CNTNAP2: variants seen among roughly 807,000 people sequenced by gnomAD.
CNTNAP2 encodes the protein contactin-associated protein-like 2.
Under a neutral mutation model 155.2 loss-of-function variants are expected in CNTNAP2, and 98 were observed. The observed-to-expected ratio is 0.63, with a 90% CI of 0.54 to 0.75. The LOEUF is 0.75. Ranked by LOEUF, CNTNAP2 falls within the 30% of genes least tolerant of loss-of-function variation. The pLI, the probability that CNTNAP2 is intolerant of heterozygous loss-of-function variation, is 0.00. For synonymous variants in CNTNAP2, 651 were observed against 631.2 expected, an observed-to-expected ratio of 1.03 and a Z score of -0.47; for missense variants, 1,727 against 1,688.1, an observed-to-expected ratio of 1.02 and a Z score of -0.40.
At chr7:148,353,674 C>T (rs1216286476) in intron 21 of CNTNAP2, among the ~76,000 whole-genome samples, 1 of 152,142 alleles carries the variant, frequency 6.6e-6, no homozygotes, top group East Asian at 1.9e-4. Flanking sequence ...CACACGCACA[C>T]ACAAGTATCA....
chr7:146,914,795 CTTTAG>C (rs1796361377), intron 3 of CNTNAP2, among the ~76,000 whole-genome samples: 1 of 151,920 alleles, frequency 6.6e-6, no homozygotes, highest in South Asian at 2.1e-4. Flanking sequence ...GAAAGAAGCT[CTTTAG>C]TTTAATTAGG....
chr7:147,735,653 G>T (rs1293666565), intron 13 of CNTNAP2, among the ~76,000 whole-genome samples: 1 of 152,210 alleles, frequency 6.6e-6, no homozygotes, highest in Non-Finnish European at 1.5e-5. Context: ...TTGTGTGGGA[G>T]TCTAAGTCTC....
chr7:146,823,838 T>C (rs1803345928), intron 2 of CNTNAP2, among the ~76,000 whole-genome samples: 1 of 152,078 alleles, frequency 6.6e-6, no homozygotes, highest in African/African-American at 2.4e-5. Flanking sequence ...GATTTATAAC[T>C]TGGACCCCGT....
intron 15 of CNTNAP2, among the ~76,000 whole-genome samples, chr7:148,038,866 GGA>G (rs1802619288): frequency 2.1e-5 from 3 of 146,106 alleles, no homozygotes; most frequent in East Asian, 3.9e-4. Context: ...ATGGATGGAT[GGA>G]TGGATAGATA....
intron 3 of CNTNAP2, among the ~76,000 whole-genome samples, chr7:146,860,153 T>G (rs1261050272): frequency 6.6e-6 from 1 of 152,204 alleles, no homozygotes; most frequent in African/African-American, 2.4e-5. Context: ...CAATGAGTAA[T>G]GGATATATAT....
Position 146,840,260 on chromosome 7 carries a change from A to G in CNTNAP2, c.402+356A>G, listed in dbSNP as rs572718210. 5.9e-5 allele frequency among the ~76,000 whole-genome samples: 9 copies of G among 152,330 alleles called. No individual in the cohort carries two copies. The South Asian group carries it at 1.9e-3, about 32-fold the overall frequency. On this transcript the variant is annotated intron_variant, in intron 3 of 23. Coordinates refer to ENST00000361727, the MANE Select transcript of CNTNAP2 (RefSeq NM_014141.6). ...GATCTTCAATTGAAGGAAAATATTG[A>G]AATTATGAAGAATATAATTTAGAGA...
chr7:147,500,094 T>TAAAAAAA lies in CNTNAP2; in HGVS notation c.1777+14054_1777+14060dup, dbSNP rs58019031. On this transcript the variant is annotated intron_variant, in intron 11 of 23. Transcript: ENST00000361727. ...GTAAAACCAGAGCAAGATTTTTTTT[T>TAAAAAAA]AAAAAAACTGGTAGTAAGCAGAAGT... is the stretch of plus-strand genomic sequence containing the variant. 2.1e-3 allele frequency among the ~76,000 whole-genome samples: 315 copies of TAAAAAAA among 151,428 alleles called. 2 individuals carry two copies. Among genetic ancestry groups the TAAAAAAA allele is most frequent in the East Asian group, 0.01 (53 of 5,130 alleles).
At chr7:148,158,669 A>T (rs897875976) in intron 17 of CNTNAP2, among the ~76,000 whole-genome samples, 1 of 152,228 alleles carries the variant, frequency 6.6e-6, no homozygotes, top group African/African-American at 2.4e-5. Flanking sequence ...AACCTAAGAA[A>T]CTAAAGGTTC....
chr7:147,838,689 G>C (rs553621384), intron 13 of CNTNAP2, among the ~76,000 whole-genome samples: 1 of 152,124 alleles, frequency 6.6e-6, no homozygotes, highest in Admixed American at 6.5e-5. Flanking sequence ...CCTCTGCCTG[G>C]ATTTTACTGT....
chr7:148,404,573 C>T (rs758859607), intron 22 of CNTNAP2, among the ~76,000 whole-genome samples: 4 of 152,150 alleles, frequency 2.6e-5, no homozygotes, highest in African/African-American at 4.8e-5. Context: ...CTGGGGTGAA[C>T]GCTTTTGGTC....
intron 1 of CNTNAP2, among the ~76,000 whole-genome samples, chr7:146,613,809 A>T (rs1262499372): frequency 6.6e-6 from 1 of 152,178 alleles, no homozygotes; most frequent in Non-Finnish European, 1.5e-5. Flanking sequence ...AGTATAAATT[A>T]CATGATCTTT....
chr7:148,143,788 A>G (rs1805121376), intron 16 of CNTNAP2, among the ~76,000 whole-genome samples: 1 of 152,224 alleles, frequency 6.6e-6, no homozygotes, highest in African/African-American at 2.4e-5. Context: ...AGGCAGCTCC[A>G]GCAACATTAA....
intron 9 of CNTNAP2, among the ~76,000 whole-genome samples, chr7:147,363,690 T>C (rs1796181220): frequency 6.6e-6 from 1 of 152,220 alleles, no homozygotes; most frequent in South Asian, 2.1e-4. Context: ...CTCTTGATTT[T>C]TTGTATGTTT....
intron 1 of CNTNAP2, among the ~76,000 whole-genome samples, chr7:146,663,595 G>T (rs1374614647): frequency 1.3e-5 from 2 of 151,916 alleles, no homozygotes; most frequent in South Asian, 4.2e-4. Context: ...CACATATTTT[G>T]TATATATTTT....
chr7:146,165,628 A>G (rs571978089), intron 1 of CNTNAP2, among the ~76,000 whole-genome samples: 9 of 152,300 alleles, frequency 5.9e-5, no homozygotes, highest in African/African-American at 1.7e-4. Flanking sequence ...CAGATTTTAT[A>G]TGTATCTAAA....
chr7:147,649,010 T>C (rs1349799985), intron 13 of CNTNAP2, among the ~76,000 whole-genome samples: 3 of 152,186 alleles, frequency 2.0e-5, no homozygotes, highest in Non-Finnish European at 4.4e-5. Flanking sequence ...CCTCTTGTCA[T>C]TTTCTTTTTT....
At chr7:146,702,609 CA>C (rs1477208898) in intron 1 of CNTNAP2, among the ~76,000 whole-genome samples, 1 of 152,022 alleles carries the variant, frequency 6.6e-6, no homozygotes, top group Non-Finnish European at 1.5e-5. Context: ...AAATTTCATT[CA>C]TTTTTAATTA....
intron 9 of CNTNAP2, among the ~76,000 whole-genome samples, chr7:147,370,194 CATGATT>C (rs1373355278): frequency 6.6e-6 from 1 of 152,184 alleles, no homozygotes; most frequent in Non-Finnish European, 1.5e-5. Flanking sequence ...TAGTCATATG[CATGATT>C]ATATTTGTGT....
intron 20 of CNTNAP2, among the ~76,000 whole-genome samples, chr7:148,250,741 G>T (rs1796350355): frequency 6.6e-6 from 1 of 152,176 alleles, no homozygotes; most frequent in Non-Finnish European, 1.5e-5. Context: ...CCTCTATCCT[G>T]CTTCTTCCCA....
Sources: gnomAD v4.1 joint callset for allele counts (sites outside exome capture counted in the v4.1 genomes callset) on GRCh38, gnomAD v4.1.1 for gene constraint, MANE v1.5 for transcripts, NCBI Gene and HGNC (gene_info 2026-07-23, HGNC 2026-07-21) for gene names.